The following DRC1 variants were observed in gnomAD, a reference collection of about 807,000 sequenced individuals.
DRC1 encodes the protein dynein regulatory complex subunit 1.
A neutral mutation model predicts 98.7 loss-of-function variants in DRC1; 74 were observed. The ratio of observed to expected loss-of-function variants is 0.75; its 90% CI spans 0.62 to 0.91. The LOEUF (loss-of-function observed/expected upper bound fraction) is 0.91, where lower values mean the gene tolerates loss of function less well. Ranked by LOEUF, DRC1 falls within the 40% of genes least tolerant of loss-of-function variation. The pLI is 0.00. For missense variants in DRC1, 875 were observed against 886.0 expected, an observed-to-expected ratio of 0.99 and a Z score of 0.16; for synonymous variants, 336 against 334.1, an observed-to-expected ratio of 1.01 and a Z score of -0.06.
intron 2 of DRC1, among the ~76,000 whole-genome samples, chr2:26,418,336 G>A (rs376383694): frequency 6.6e-6 from 1 of 151,070 alleles, no homozygotes; most frequent in Non-Finnish European, 1.5e-5. Flanking sequence ...GGGGAAATCC[G>A]CATGCCTGCA....
intron 1 of DRC1, 102 bp from the exon 2 acceptor site, chr2:26,414,242 G>A: frequency 1.7e-6 from 2 of 1,185,030 alleles, no homozygotes; most frequent in Non-Finnish European, 2.4e-6. Context: ...CTCCCAAACT[G>A]TTGGGATTAC....
intron 1 of DRC1, among the ~76,000 whole-genome samples, chr2:26,412,580 G>A (rs377608930): frequency 6.6e-6 from 1 of 151,848 alleles, no homozygotes; most frequent in Non-Finnish European, 1.5e-5. Flanking sequence ...TCTCGCCACC[G>A]CCCCTTTAGT....
Position 26,401,935 on chromosome 2 carries a change from C to T in DRC1, c.-55C>T. On this transcript the variant is annotated 5_prime_UTR_variant, in exon 1 of 17. Coordinates refer to ENST00000288710, the MANE Select transcript of DRC1 (RefSeq NM_145038.5). ...GCAACGGTTTGTTCCTAGCAACCAG[C>T]CTGAGGTCTGGAGGTGGTGCGGAGG... is the stretch of plus-strand genomic sequence containing the variant. 1 of 1,541,564 alleles carries T rather than the reference C, an allele frequency of 6.5e-7. No homozygotes were observed.
Position 26,402,072 on chromosome 2 carries a change from A to T in DRC1, c.83A>T (p.His28Leu), listed in dbSNP as rs771532771. Residue 28 changes from histidine (H) to leucine (L), a missense_variant, in exon 1 of 17, where the codon CAC (histidine) becomes CTC (leucine). Physicochemically the swap from His to Leu is moderately conservative, Grantham distance 99. Transcript: ENST00000288710. ...ACCCAGATTCTCGCGCCCTCGGTCC[A>T]CTCCGACAACTCTCAGGAGCGCATC... is the stretch of plus-strand genomic sequence containing the variant. The part of the protein sequence containing the change: ...LSTQILAPSV[H>L]SDNSQERIQA... 2 of 1,612,922 alleles carry T rather than the reference A, an allele frequency of 1.2e-6. No homozygotes were observed. Among genetic ancestry groups the T allele is most frequent in the African/African-American group, 2.7e-5 (2 of 74,778 alleles).
chr2:26,417,569 T>C (rs1678851392), intron 2 of DRC1, among the ~76,000 whole-genome samples: 1 of 152,164 alleles, frequency 6.6e-6, no homozygotes, highest in Non-Finnish European at 1.5e-5. Flanking sequence ...CCTCAGGTAA[T>C]CCTCCTGCCT....
Position 26,414,395 on chromosome 2 carries a change from A to C in DRC1, c.207A>C (p.Gln69His), listed in dbSNP as rs954067039. The change falls in exon 2 of 17, where the codon CAA (glutamine) becomes CAC (histidine). Residue 69 changes from glutamine (Q) to histidine (H), a missense_variant. Physicochemically the swap from Gln to His is conservative, Grantham distance 24. Transcript: ENST00000288710. ...GGAAGAAGGAGAGTGAGGAGGATCA[A>C]AGCAAGAGCTACAAACAGAAAGAAG... ...LDGKKESEED[Q>H]SKSYKQKEES... The C allele has an allele frequency of 6.2e-7, 1 of 1,613,868 alleles. No homozygotes were observed. The highest frequency in any genetic ancestry group is 8.5e-7 in the Non-Finnish European group (1 of 1,179,958).
At chr2:26,447,991 G>A (rs998356207) in intron 10 of DRC1, among the ~76,000 whole-genome samples, 31 of 151,506 alleles carry the variant, frequency 2.0e-4, no homozygotes, top group African/African-American at 5.6e-4. Flanking sequence ...TTGGGAGGCC[G>A]AGGCAGGCAG....
At chr2:26,407,465 C>T (rs1379579141) in intron 1 of DRC1, among the ~76,000 whole-genome samples, 2 of 152,176 alleles carry the variant, frequency 1.3e-5, no homozygotes, top group African/African-American at 4.8e-5. Flanking sequence ...ATGGCCCTTC[C>T]AATGGAGTGA....
intron 1 of DRC1, among the ~76,000 whole-genome samples, chr2:26,410,242 A>T (rs570051692): frequency 2.5e-4 from 29 of 117,894 alleles, no homozygotes; most frequent in African/African-American, 8.0e-4. Flanking sequence ...ACTTATAGAG[A>T]AAATATTATT....
intron 1 of DRC1, among the ~76,000 whole-genome samples, chr2:26,411,415 A>G (rs1461663435): frequency 6.6e-6 from 1 of 152,244 alleles, no homozygotes; most frequent in East Asian, 1.9e-4. Context: ...AAATCCATCT[A>G]GAGTGTATTT....
intron 1 of DRC1, among the ~76,000 whole-genome samples, chr2:26,413,588 A>G (rs1678693083): frequency 6.6e-6 from 1 of 152,184 alleles, no homozygotes; most frequent in Admixed American, 6.5e-5. Flanking sequence ...GAAGCTGACC[A>G]TATTTTCAAA....
Position 26,412,256 on chromosome 2 carries a change from G to C in DRC1, c.156-2088G>C, listed in dbSNP as rs545327157. On this transcript the variant is annotated intron_variant, in intron 1 of 16. Coordinates refer to ENST00000288710, the MANE Select transcript of DRC1 (RefSeq NM_145038.5). The stretch of plus-strand genomic sequence containing the variant: ...AAGTCAAGAAAGAATGAGATAAAGA[G>C]ATCTGCTAGGCTGAGGCGGGAGAAT... Among the ~76,000 whole-genome samples the C allele has an allele frequency of 5.9e-5, 9 of 152,140 alleles. No individual in the cohort carries two copies. The South Asian group carries it at 1.5e-3, about 25-fold the overall frequency.
intron 8 of DRC1, among the ~76,000 whole-genome samples, chr2:26,441,814 G>C (rs1256773180): frequency 6.6e-6 from 1 of 152,158 alleles, no homozygotes; most frequent in Non-Finnish European, 1.5e-5. Context: ...TTCAAACTCA[G>C]ACAGCTTTCC....
chr2:26,410,342 G>T (rs914114901), intron 1 of DRC1, among the ~76,000 whole-genome samples: 3 of 150,970 alleles, frequency 2.0e-5, no homozygotes, highest in Admixed American at 6.6e-5. Context: ...CATGATCTCG[G>T]CTCACTGCAA....
At position 26,402,058 on chromosome 2, in the gene DRC1, C is replaced by T; in HGVS notation, c.69C>T (p.Leu23=). 2 of 1,613,382 alleles carry T rather than the reference C, an allele frequency of 1.2e-6. No individual in the cohort carries two copies. The highest frequency in any genetic ancestry group is 1.3e-5 in the African/African-American group (1 of 75,042). ...ACGAGCACTTGTCCACCCAGATTCT[C>T]GCGCCCTCGGTCCACTCCGACAACT... ...NVDEHLSTQI[L]APSVHSDNSQ... The change falls in exon 1 of 17, where the codon CTC becomes CTT. Residue 23 remains leucine (L), a synonymous_variant. Coordinates refer to ENST00000288710, the MANE Select transcript of DRC1 (RefSeq NM_145038.5).
intron 2 of DRC1, among the ~76,000 whole-genome samples, chr2:26,415,805 G>A (rs540636541): frequency 1.3e-5 from 2 of 152,186 alleles, no homozygotes; most frequent in South Asian, 4.2e-4. Context: ...GGTGGCACAC[G>A]CCTGGGGTCC....
intron 11 of DRC1, among the ~76,000 whole-genome samples, chr2:26,449,389 T>G (rs1663941823): frequency 6.6e-6 from 1 of 152,228 alleles, no homozygotes; most frequent in Admixed American, 6.5e-5. Flanking sequence ...GGCTGGCTCT[T>G]GCCACTGAGG....
At chr2:26,404,058 C>T (rs1364175733) in intron 1 of DRC1, among the ~76,000 whole-genome samples, 1 of 151,990 alleles carries the variant, frequency 6.6e-6, no homozygotes, top group East Asian at 1.9e-4. Context: ...TGAGATCGTG[C>T]CATTGCACTC....
At chr2:26,409,194 G>T (rs933989359) in intron 1 of DRC1, among the ~76,000 whole-genome samples, 2 of 151,910 alleles carry the variant, frequency 1.3e-5, no homozygotes, top group Non-Finnish European at 2.9e-5. Context: ...GCCTCCCATA[G>T]TGCTGGGATT....
Sources: allele counts gnomAD v4.1 joint callset (sites outside exome capture counted in the v4.1 genomes callset), GRCh38; gene constraint gnomAD v4.1.1; transcripts MANE v1.5; gene names NCBI Gene and HGNC (gene_info 2026-07-23, HGNC 2026-07-21).